The following SYNPR variants were observed in gnomAD, a reference collection of about 807,000 sequenced individuals.
SYNPR encodes the protein synaptoporin.
In SYNPR, 23 loss-of-function variants were observed where a neutral mutation model predicts 32.9. The ratio of observed to expected loss-of-function variants is 0.70; its 90% CI spans 0.50 to 0.99. The LOEUF is 0.99. SYNPR is among the 50% of genes least tolerant of loss of function. The pLI is 0.00. For synonymous variants in SYNPR, 146 were observed against 135.9 expected, an observed-to-expected ratio of 1.07 and a Z score of -0.52; for missense variants, 318 against 349.3, an observed-to-expected ratio of 0.91 and a Z score of 0.71.
chr3:63,292,206 A>C (rs1340228734), intron 2 of SYNPR, among the ~76,000 whole-genome samples: 1 of 152,212 alleles, frequency 6.6e-6, no homozygotes. Context: ...TTAACTTGCT[A>C]GTGCTTTAAA....
chr3:63,222,718 T>C, the SYNPR span, among the ~76,000 whole-genome samples: 8 of 152,180 alleles, frequency 5.3e-5, no homozygotes, highest in East Asian at 1.5e-3. Flanking sequence ...GATTTCACCA[T>C]GTTGGCCATG....
chr3:63,560,710 A>C (rs753608429), intron 4 of SYNPR, among the ~76,000 whole-genome samples: 4 of 152,222 alleles, frequency 2.6e-5, no homozygotes, highest in Non-Finnish European at 5.9e-5. Context: ...TAGGGCAGAC[A>C]AAGAGAGAAG....
chr3:63,551,872 T>G (rs3930448), intron 3 of SYNPR, among the ~76,000 whole-genome samples: 3,768 of 32,828 alleles, frequency 0.11, 157 homozygotes, highest in African/African-American at 0.33. Flanking sequence ...CATCTAGCTA[T>G]TTATTTATTT....
chr3:63,614,358 C>T lies in SYNPR; in HGVS notation c.601-866C>T, dbSNP rs1011068235. Among the ~76,000 whole-genome samples the T allele has an allele frequency of 8.5e-5, 13 of 152,202 alleles. No individual in the cohort carries two copies. The East Asian group carries it at 1.2e-3, about 14-fold the overall frequency. On this transcript the variant is annotated intron_variant, in intron 5 of 5. Coordinates refer to ENST00000478300, the MANE Select transcript of SYNPR (RefSeq NM_001130003.2). ...TGAGGACTTCTGTTCGGGCCTCATG[C>T]AATAGCAAACCGTTCTGCTTCCATC...
chr3:63,599,505 G>T (rs1249468921), intron 4 of SYNPR, among the ~76,000 whole-genome samples: 1 of 152,168 alleles, frequency 6.6e-6, no homozygotes, highest in Non-Finnish European at 1.5e-5. Flanking sequence ...TGCTGTAGAG[G>T]TTTGTAGCCT....
intron 2 of SYNPR, among the ~76,000 whole-genome samples, chr3:63,422,357 C>T: frequency 6.6e-6 from 1 of 151,172 alleles, no homozygotes; most frequent in Non-Finnish European, 1.5e-5. Flanking sequence ...ATCATGTAGA[C>T]ACATGAAAAA....
At chr3:63,245,963 C>G (rs1560167143) in intron 1 of SYNPR, among the ~76,000 whole-genome samples, 1 of 151,922 alleles carries the variant, frequency 6.6e-6, no homozygotes, top group Admixed American at 6.6e-5. Flanking sequence ...GTGCTGGAGT[C>G]AAAAACATTT....
At chr3:63,477,761 T>C (rs1043139346) in intron 2 of SYNPR, among the ~76,000 whole-genome samples, 1 of 152,182 alleles carries the variant, frequency 6.6e-6, no homozygotes, top group Non-Finnish European at 1.5e-5. Context: ...CATTCTCCCT[T>C]ACAGGGATCA....
chr3:63,387,891 C>T (rs1008775854), intron 2 of SYNPR, among the ~76,000 whole-genome samples: 10 of 152,120 alleles, frequency 6.6e-5, no homozygotes, highest in African/African-American at 2.2e-4. Context: ...AGCCAACCCT[C>T]AGTTAGAGAC....
intron 3 of SYNPR, among the ~76,000 whole-genome samples, chr3:63,525,340 C>T (rs1434503296): frequency 6.6e-6 from 1 of 152,144 alleles, no homozygotes; most frequent in Non-Finnish European, 1.5e-5. Context: ...ACCACAGATA[C>T]CCAGAACTTA....
At chr3:63,206,560 C>CA in the SYNPR span, among the ~76,000 whole-genome samples, 15 of 147,186 alleles carry the variant, frequency 1.0e-4, no homozygotes, top group African/African-American at 2.0e-4. Flanking sequence ...GACTGTGTCT[C>CA]AAAAAAAAAG....
chr3:63,203,018 GT>G, the SYNPR span, among the ~76,000 whole-genome samples: 5 of 136,610 alleles, frequency 3.7e-5, no homozygotes, highest in East Asian at 1.0e-3. Context: ...TTGGTTCTTT[GT>G]TTTTTTCAAT....
chr3:63,408,520 C>T (rs1387680275), intron 2 of SYNPR, among the ~76,000 whole-genome samples: 6 of 152,036 alleles, frequency 3.9e-5, no homozygotes, highest in South Asian at 2.1e-4. Flanking sequence ...TTGAGAACCA[C>T]GAGAGCTGAT....
intron 2 of SYNPR, among the ~76,000 whole-genome samples, chr3:63,266,320 T>G (rs1463592593): frequency 1.4e-4 from 21 of 152,166 alleles, no homozygotes; most frequent in East Asian, 1.9e-4. Context: ...ACTTAGAACA[T>G]TCAAATGTTG....
chr3:63,525,785 G>A (rs1315850495), intron 3 of SYNPR, among the ~76,000 whole-genome samples: 1 of 152,180 alleles, frequency 6.6e-6, no homozygotes, highest in Non-Finnish European at 1.5e-5. Flanking sequence ...ATGAACCAGG[G>A]AGGAAGTTCT....
In SYNPR at chr3:63,586,033, G is replaced by A. The variant is rs539499483; in HGVS notation, c.409-23092G>A. Among the ~76,000 whole-genome samples the A allele has an allele frequency of 5.3e-5, 8 of 152,192 alleles. No individual in the cohort carries two copies. The South Asian group carries it at 1.7e-3, about 32-fold the overall frequency. On this transcript the variant is annotated intron_variant, in intron 4 of 5. Coordinates refer to ENST00000478300, the MANE Select transcript of SYNPR (RefSeq NM_001130003.2). ...TCTCACTTTCCACTTCACATGATAA[G>A]TGGGGAAGTGGCAAAGGAATATTTT...
chr3:63,327,016 A>C (rs2087174979), intron 2 of SYNPR, among the ~76,000 whole-genome samples: 1 of 152,006 alleles, frequency 6.6e-6, no homozygotes, highest in Non-Finnish European at 1.5e-5. Flanking sequence ...AAAAAAAATG[A>C]ACCACTGACA....
chr3:63,580,809 T>C (rs1289372060), intron 4 of SYNPR, among the ~76,000 whole-genome samples: 1 of 152,204 alleles, frequency 6.6e-6, no homozygotes, highest in East Asian at 1.9e-4. Flanking sequence ...TTCTGGCCTG[T>C]GGTAACTACA....
intron 2 of SYNPR, among the ~76,000 whole-genome samples, chr3:63,380,380 C>G (rs1269294653): frequency 6.6e-6 from 1 of 152,176 alleles, no homozygotes; most frequent in Non-Finnish European, 1.5e-5. Flanking sequence ...GATCGCCACT[C>G]TAACTGGTGT....
Sources: gnomAD v4.1 joint callset for allele counts (sites outside exome capture counted in the v4.1 genomes callset) on GRCh38, gnomAD v4.1.1 for gene constraint, MANE v1.5 for transcripts, NCBI Gene and HGNC (gene_info 2026-07-23, HGNC 2026-07-21) for gene names.